USP24: variants seen among roughly 807,000 people sequenced by gnomAD.
USP24 encodes ubiquitin specific peptidase 24.
In USP24, 97 loss-of-function variants were observed where a neutral mutation model predicts 361.6. The observed-to-expected ratio is 0.27, with a 90% CI of 0.23 to 0.32. The LOEUF (loss-of-function observed/expected upper bound fraction) is 0.32. USP24 is among the 10% of genes least tolerant of loss of function. The probability of loss-of-function intolerance (pLI) is 1.00; values close to 1 mark genes in which losing one functional copy is unlikely to be tolerated. For synonymous variants in USP24, 1,098 were observed against 1,124.6 expected (o/e 0.98, Z 0.47); for missense variants, 2,353 against 3,165.6 (o/e 0.74, Z 6.16).
chr1:55,211,587 C>T (rs1395859329), intron 1 of USP24, among the ~76,000 whole-genome samples: 1 of 152,196 alleles, frequency 6.6e-6, no homozygotes, highest in Non-Finnish European at 1.5e-5. Flanking sequence ...ACCCTAATTA[C>T]AGCAGGGCCT....
chr1:55,198,273 T>A (rs1371659176), intron 1 of USP24, among the ~76,000 whole-genome samples: 1 of 152,126 alleles, frequency 6.6e-6, no homozygotes, highest in Non-Finnish European at 1.5e-5. Flanking sequence ...TGTGCCACCA[T>A]CCCCAGCCTA....
intron 60 of USP24, 85 bp downstream of exon 60, chr1:55,079,453 C>G: frequency 3.3e-6 from 5 of 1,503,664 alleles, no homozygotes; most frequent in Non-Finnish European, 4.4e-6. Context: ...TAACAATACT[C>G]TTCATGCCAA....
chr1:55,089,614 C>T lies in USP24; in HGVS notation c.6668+13G>A, dbSNP rs776154829. 1.9e-6 allele frequency: 3 copies of T among 1,543,836 alleles called. No individual in the cohort carries two copies. Among genetic ancestry groups the T allele is most frequent in the Non-Finnish European group, 2.6e-6 (3 of 1,139,004 alleles). ...ACACAAATTTCTTTTAATTAAAAGA[C>T]TCCAACACTTACTTTATCAATTCTC... On this transcript the variant is annotated intron_variant, in intron 55 of 67. Transcript: ENST00000294383.
chr1:55,152,740 A>C (rs1165182734), intron 16 of USP24, among the ~76,000 whole-genome samples: 2 of 152,198 alleles, frequency 1.3e-5, no homozygotes, highest in Non-Finnish European at 2.9e-5. Context: ...CCAGTTTGCA[A>C]ATACCTTTTA....
intron 43 of USP24, 114 bp downstream of exon 43, chr1:55,101,470 T>A (rs1165282): frequency 2.5e-5 from 35 of 1,409,924 alleles, no homozygotes; most frequent in Non-Finnish European, 3.2e-5. Context: ...ACTAAAGAAT[T>A]GCAAGTTATG....
chr1:55,199,620 T>TGAGA (rs1472807809), intron 1 of USP24, among the ~76,000 whole-genome samples: 1,116 of 96,372 alleles, frequency 0.012, 10 homozygotes, highest in African/African-American at 0.036. Context: ...TGTGTGTGTG[T>TGAGA]GTGAGAGAGA....
chr1:55,191,494 C>CTTT (rs34179339), intron 1 of USP24, among the ~76,000 whole-genome samples: 6 of 141,952 alleles, frequency 4.2e-5, no homozygotes, highest in South Asian at 2.2e-4. Flanking sequence ...ATGGCACTTT[C>CTTT]TTTTTTTTTT....
At position 55,079,568 on chromosome 1, in the gene USP24, GAAC is replaced by G. The variant is rs753582411; in HGVS notation, c.7167_7169del (p.Leu2389del). 1 of 1,576,540 alleles carries G rather than the reference GAAC, an allele frequency of 6.3e-7. No individual in the cohort carries two copies. Among genetic ancestry groups the G allele is most frequent in the East Asian group, 2.3e-5 (1 of 42,792 alleles). On this transcript the variant is annotated inframe_deletion, in exon 60 of 68. Coordinates refer to ENST00000294383, the MANE Select transcript of USP24 (RefSeq NM_015306.3). ...ACAGGTAAGGTTTCCCTTCAGACAT[GAAC>G]AACAAGGCTTCTACCTCCTCATGGA...
chr1:55,188,556 C>CA (rs1644197142), intron 1 of USP24, among the ~76,000 whole-genome samples: 1 of 151,292 alleles, frequency 6.6e-6, no homozygotes, highest in African/African-American at 2.4e-5. Flanking sequence ...AATGTTTCTC[C>CA]AAAAAAGATA....
chr1:55,139,150 CTTTT>C (rs1465276666), intron 24 of USP24, 140 bp from the exon 25 acceptor site: 1 of 724,182 alleles, frequency 1.4e-6, no homozygotes, highest in Admixed American at 2.7e-5. Context: ...TTAAACTTCC[CTTTT>C]ACCCAATGGG....
At chr1:55,111,835 CA>C in intron 38 of USP24, among the ~76,000 whole-genome samples, 1 of 152,088 alleles carries the variant, frequency 6.6e-6, no homozygotes, top group Non-Finnish European at 1.5e-5. Context: ...AATGTTAAAA[CA>C]GAAGGTTAAA....
chr1:55,112,659 T>C (rs1474018295), intron 38 of USP24, among the ~76,000 whole-genome samples: 1 of 152,212 alleles, frequency 6.6e-6, no homozygotes, highest in East Asian at 1.9e-4. Context: ...TTCCATTCTT[T>C]TGCTGAGGAG....
chr1:55,090,085 C>A (rs1461108285), intron 54 of USP24, among the ~76,000 whole-genome samples: 1 of 152,066 alleles, frequency 6.6e-6, no homozygotes, highest in African/African-American at 2.4e-5. Flanking sequence ...GCATTTTTTT[C>A]ATTAATTTAC....
chr1:55,094,696 T>TAAAA (rs35026432), intron 51 of USP24, among the ~76,000 whole-genome samples: 5 of 109,002 alleles, frequency 4.6e-5, no homozygotes, highest in Admixed American at 2.1e-4. Context: ...CTGCTAACAT[T>TAAAA]AAAAAAAAAA....
intron 36 of USP24, among the ~76,000 whole-genome samples, chr1:55,122,394 A>C (rs554927038): frequency 6.6e-6 from 1 of 152,328 alleles, no homozygotes; most frequent in East Asian, 1.9e-4. Context: ...GCAAAGGCAC[A>C]GGAGTATCAA....
intron 60 of USP24, 127 bp downstream of exon 60, chr1:55,079,411 A>T: frequency 7.7e-7 from 1 of 1,301,296 alleles, no homozygotes; most frequent in Non-Finnish European, 1.0e-6. Flanking sequence ...TTTTTGACAT[A>T]TAAGAAAACT....
At chr1:55,110,396 G>A in intron 38 of USP24, 150 bp from the exon 39 acceptor site, 1 of 608,018 alleles carries the variant, frequency 1.6e-6, no homozygotes, top group Non-Finnish European at 2.8e-6. Context: ...CCATATTTTA[G>A]CAAGAAGCAT....
At chr1:55,118,893 A>G (rs1457130796) in intron 38 of USP24, among the ~76,000 whole-genome samples, 3 of 152,210 alleles carry the variant, frequency 2.0e-5, no homozygotes, top group African/African-American at 7.2e-5. Flanking sequence ...AACAAAACGA[A>G]ACAAAAACAA....
intron 66 of USP24, 90 bp downstream of exon 66, chr1:55,072,227 T>A: frequency 9.6e-7 from 1 of 1,041,274 alleles, no homozygotes; most frequent in South Asian, 1.5e-5. Context: ...AACTCATACC[T>A]CTCTTCTCAG....
Sources: allele counts gnomAD v4.1 joint callset (sites outside exome capture counted in the v4.1 genomes callset), GRCh38; gene constraint gnomAD v4.1.1; transcripts MANE v1.5; gene names NCBI Gene and HGNC (gene_info 2026-07-23, HGNC 2026-07-21).